Variants in NRXN1 observed in about 807,000 individuals in gnomAD.
The protein encoded by NRXN1 is neurexin-1.
A neutral mutation model predicts 150.9 loss-of-function variants in NRXN1; 39 were observed. The observed-to-expected ratio is 0.26, with a 90% CI of 0.20 to 0.34. The LOEUF is 0.34. Ranked by LOEUF, NRXN1 falls within the 10% of genes least tolerant of loss-of-function variation. The pLI is 1.00. For missense variants in NRXN1, 1,815 were observed against 1,949.9 expected (o/e 0.93, Z 1.30); for synonymous variants, 924 against 757.0 (o/e 1.22, Z -3.62).
At chr2:51,013,398 T>G (rs1173281152) in intron 2 of NRXN1, among the ~76,000 whole-genome samples, 6 of 151,828 alleles carry the variant, frequency 4.0e-5, no homozygotes, top group African/African-American at 1.2e-4. Context: ...GTTGGTGACA[T>G]ATTTTATGCA....
At chr2:50,300,666 T>G (rs1163400504) in intron 17 of NRXN1, among the ~76,000 whole-genome samples, 2 of 152,154 alleles carry the variant, frequency 1.3e-5, no homozygotes, top group African/African-American at 2.4e-5. Context: ...TAAAGGGGAA[T>G]GTGGTCTTTC....
chr2:50,065,714 G>C (rs1695256242), intron 19 of NRXN1, among the ~76,000 whole-genome samples: 1 of 152,046 alleles, frequency 6.6e-6, no homozygotes. Context: ...ATAGCTACTG[G>C]AGGCATAAAA....
At chr2:50,792,283 A>G (rs958484812) in intron 5 of NRXN1, among the ~76,000 whole-genome samples, 5 of 152,130 alleles carry the variant, frequency 3.3e-5, no homozygotes, top group African/African-American at 1.2e-4. Flanking sequence ...TGAATAATGG[A>G]AAGAAAATAC....
At chr2:50,630,614 T>G (rs1285421812) in intron 5 of NRXN1, among the ~76,000 whole-genome samples, 5 of 151,788 alleles carry the variant, frequency 3.3e-5, no homozygotes, top group Non-Finnish European at 4.4e-5. Flanking sequence ...GTCATTTTTG[T>G]ATGCCAAAAA....
At chr2:50,672,366 A>G (rs2104736047) in intron 5 of NRXN1, among the ~76,000 whole-genome samples, 1 of 151,944 alleles carries the variant, frequency 6.6e-6, no homozygotes, top group East Asian at 1.9e-4. Context: ...TTAGTCTAAA[A>G]CCATGATTTC....
intron 21 of NRXN1, among the ~76,000 whole-genome samples, chr2:50,013,507 C>T (rs1686056726): frequency 6.6e-6 from 1 of 152,030 alleles, no homozygotes; most frequent in Non-Finnish European, 1.5e-5. Context: ...GCTTTAGCAC[C>T]ACACGCTAAT....
intron 5 of NRXN1, among the ~76,000 whole-genome samples, chr2:50,731,989 T>C (rs1003573255): frequency 1.1e-4 from 17 of 152,162 alleles, no homozygotes; most frequent in African/African-American, 3.4e-4. Context: ...ATCTGGGTCA[T>C]AAAAGTTAGG....
intron 5 of NRXN1, among the ~76,000 whole-genome samples, chr2:50,811,356 A>G (rs1668186168): frequency 1.3e-5 from 2 of 152,204 alleles, no homozygotes; most frequent in South Asian, 2.1e-4. Context: ...ATAGGTAAAC[A>G]TATCTTCTAG....
chr2:50,207,401 AT>A (rs1486133214), intron 18 of NRXN1: 1 of 152,004 alleles, frequency 6.6e-6, no homozygotes, highest in Non-Finnish European at 1.5e-5. Flanking sequence ...TGGAAAAAAT[AT>A]TTTTTTATTT....
intron 5 of NRXN1, among the ~76,000 whole-genome samples, chr2:50,625,651 A>T (rs1680887761): frequency 6.6e-6 from 1 of 152,094 alleles, no homozygotes. Flanking sequence ...ATATATTACT[A>T]TTATACTGAG....
chr2:50,791,712 C>G (rs1020942346), intron 5 of NRXN1, among the ~76,000 whole-genome samples: 1 of 152,112 alleles, frequency 6.6e-6, no homozygotes, highest in Non-Finnish European at 1.5e-5. Context: ...TACTCCCTGG[C>G]TGTGGTAATT....
At chr2:50,157,721 G>C (rs1274511771) in intron 18 of NRXN1, among the ~76,000 whole-genome samples, 2 of 152,000 alleles carry the variant, frequency 1.3e-5, no homozygotes, top group Non-Finnish European at 2.9e-5. Flanking sequence ...AAGAAACAAT[G>C]CAAATAAAGT....
In NRXN1 at chr2:50,710,970, C is replaced by T. The variant is rs571758497; in HGVS notation, c.833-87355G>A. On this transcript the variant is annotated intron_variant, in intron 5 of 22. Coordinates refer to ENST00000401669, the MANE Select transcript of NRXN1 (RefSeq NM_001330078.2). ...ACCTTAAAAAAATTTACCTCTGTGG[C>T]CCCCATAATAGAAAAGAATATTTAC... Among the ~76,000 whole-genome samples the T allele has an allele frequency of 2.6e-5, 4 of 152,180 alleles. No homozygotes were observed. In the East Asian group the frequency reaches 7.8e-4, roughly 29 times the overall value.
At chr2:50,153,321 G>A (rs543414138) in intron 18 of NRXN1, among the ~76,000 whole-genome samples, 1 of 150,316 alleles carries the variant, frequency 6.7e-6, no homozygotes, top group Admixed American at 6.6e-5. Context: ...TTGCCATCTG[G>A]TTTTTCTCTG....
chr2:50,079,687 T>A (rs1192480770), intron 19 of NRXN1, among the ~76,000 whole-genome samples: 1 of 152,122 alleles, frequency 6.6e-6, no homozygotes, highest in African/African-American at 2.4e-5. Flanking sequence ...AAATGGATTA[T>A]CAGTATTCTA....
chr2:50,810,415 T>A (rs1257909385), intron 5 of NRXN1, among the ~76,000 whole-genome samples: 1 of 152,166 alleles, frequency 6.6e-6, no homozygotes, highest in African/African-American at 2.4e-5. Context: ...AACCAGAGAA[T>A]GTTTATTACT....
chr2:50,571,619 AT>A lies in NRXN1; in HGVS notation c.1321-18595del, dbSNP rs574835688. ...GTACATAGTGAGATCATAAAATGAGATTTTTTTTTTTGGTTTGAAAAATTTT... is the reference window on the plus strand; with the variant it reads ...GTACATAGTGAGATCATAAAATGAGATTTTTTTTTTGGTTTGAAAAATTTT... On this transcript the variant is annotated intron_variant, in intron 8 of 22. Transcript: ENST00000401669. 5.9e-3 allele frequency among the ~76,000 whole-genome samples: 874 copies of A among 148,624 alleles called. 11 individuals carry two copies. The highest frequency in any genetic ancestry group is 0.011 in the Middle Eastern group (3 of 274).
intron 5 of NRXN1, among the ~76,000 whole-genome samples, chr2:50,727,852 T>C (rs948797352): frequency 2.0e-5 from 3 of 152,056 alleles, no homozygotes; most frequent in African/African-American, 4.8e-5. Flanking sequence ...GGGGAAAGAA[T>C]ATTGAGTTGG....
At chr2:50,330,699 T>C (rs1450002726) in intron 17 of NRXN1, among the ~76,000 whole-genome samples, 3 of 152,232 alleles carry the variant, frequency 2.0e-5, no homozygotes, top group Non-Finnish European at 2.9e-5. Context: ...GAAAAAGATA[T>C]TTTCCAACTA....
Sources: allele counts gnomAD v4.1 joint callset (sites outside exome capture counted in the v4.1 genomes callset), GRCh38; gene constraint gnomAD v4.1.1; transcripts MANE v1.5; gene names NCBI Gene and HGNC (gene_info 2026-07-23, HGNC 2026-07-21).